CST4: variants seen among roughly 807,000 people sequenced by gnomAD.
The protein encoded by CST4 is cystatin S, also known as cystatin-S.
Under a neutral mutation model 11.2 loss-of-function variants are expected in CST4, and 17 were observed. That is an observed-to-expected ratio of 1.52 (90% confidence interval 1.04 to 2.27). CST4 has a LOEUF of 2.27. CST4 is among the 30% of genes most tolerant of loss of function. The probability of loss-of-function intolerance (pLI) is 0.00; values close to 1 mark genes in which losing one functional copy is unlikely to be tolerated. For missense variants in CST4, 251 were observed against 180.2 expected (o/e 1.39, Z -2.25); for synonymous variants, 93 against 70.1 (o/e 1.33, Z -1.63).
At chr20:23,687,668 C>G (rs1165094207) in intron 1 of CST4, among the ~76,000 whole-genome samples, 1 of 152,230 alleles carries the variant, frequency 6.6e-6, no homozygotes, top group Non-Finnish European at 1.5e-5. Context: ...AAGTCAGCAG[C>G]ACACCTGAGT....
chr20:23,687,741 G>A (rs1410753433), intron 1 of CST4, among the ~76,000 whole-genome samples: 12 of 152,192 alleles, frequency 7.9e-5, no homozygotes, highest in Admixed American at 6.5e-4. Context: ...CAGACACTAC[G>A]TGGCAGAGCT....
At chr20:23,686,020 T>G in intron 2 of CST4, 43 bp from the exon 3 acceptor site, 1 of 1,597,124 alleles carries the variant, frequency 6.3e-7, no homozygotes, top group Non-Finnish European at 8.6e-7. Flanking sequence ...TGGGTTACAG[T>G]TAAAGGGGAA....
intron 1 of CST4, among the ~76,000 whole-genome samples, chr20:23,687,657 C>G (rs73902125): frequency 1.3e-5 from 2 of 152,190 alleles, no homozygotes; most frequent in African/African-American, 4.8e-5. Flanking sequence ...ATACGTTTCT[C>G]AAGTCAGCAG....
chr20:23,687,072 C>A lies in CST4; in HGVS notation c.342+16G>T, dbSNP rs532529691. On this transcript the variant is annotated intron_variant, in intron 2 of 2. Transcript: ENST00000217423. ...TGCAGTGCATGACTGGCCCGGGACCCGCATCAGGAACGTACCTTCTGCAGT... is the reference window on the plus strand; with the variant it reads ...TGCAGTGCATGACTGGCCCGGGACCAGCATCAGGAACGTACCTTCTGCAGT... 6.2e-7 allele frequency: 1 copy of A among 1,613,296 alleles called. No individual in the cohort carries two copies. Among genetic ancestry groups the A allele is most frequent in the Non-Finnish European group, 8.5e-7 (1 of 1,179,346 alleles).
chr20:23,685,792 T>G lies in CST4; in HGVS notation c.*102A>C, dbSNP rs893077374. The G allele has an allele frequency of 1.5e-5, 18 of 1,212,714 alleles. No homozygotes were observed. The highest frequency in any genetic ancestry group is 5.2e-5 in the South Asian group (4 of 76,486). 75.1% of individuals were successfully genotyped at this position (1,212,714 alleles called of 1,614,324 possible). A position where few individuals can be genotyped will look rare whatever the true frequency, so the allele number is the denominator to read the frequency against. On this transcript the variant is annotated 3_prime_UTR_variant, in exon 3 of 3. Transcript: ENST00000217423. The stretch of plus-strand genomic sequence containing the variant: ...CTGTCTGTCTCTTGGCACAGGCACA[T>G]GGGGAGGCCTCCCGCAGGGTGGGGG...
In CST4 at chr20:23,688,857, T is replaced by A. The variant is rs1981134015; in HGVS notation, c.113A>T (p.Asp38Val). 1 of 1,614,068 alleles carries A rather than the reference T, an allele frequency of 6.2e-7. No homozygotes were observed. Among genetic ancestry groups the A allele is most frequent in the African/African-American group, 1.3e-5 (1 of 74,926 alleles). The change falls in exon 1 of 3, where the codon GAC becomes GTC. Residue 38 changes from aspartate to valine, a missense_variant. By Grantham distance (152) the Asp-to-Val change is radical. Coordinates refer to ENST00000217423, the MANE Select transcript of CST4 (RefSeq NM_001899.3). ...RIIPGGIYDADLNDEWVQRAL... is the reference protein window; with the variant it reads ...RIIPGGIYDAVLNDEWVQRAL... The stretch of plus-strand genomic sequence containing the variant: ...ACGCTGTACCCACTCATCATTGAGG[T>A]CTGCATCATAGATGCCACCTGGGAT...
At chr20:23,688,688 C>T (rs2122562029) in intron 1 of CST4, 54 bp downstream of exon 1, 1 of 1,545,986 alleles carries the variant, frequency 6.5e-7, no homozygotes, top group Non-Finnish European at 8.9e-7. Context: ...TCTTGGGGGT[C>T]CGGCAACAAA....
Position 23,685,793 on chromosome 20 carries a change from G to C in CST4, c.*101C>G, listed in dbSNP as rs1981017724. On this transcript the variant is annotated 3_prime_UTR_variant, in exon 3 of 3. Coordinates refer to ENST00000217423, the MANE Select transcript of CST4 (RefSeq NM_001899.3). ...TGTCTGTCTCTTGGCACAGGCACAT[G>C]GGGAGGCCTCCCGCAGGGTGGGGGC... 3 of 1,216,826 alleles carry C rather than the reference G, an allele frequency of 2.5e-6. No homozygotes were observed. The highest frequency in any genetic ancestry group is 1.5e-5 in the African/African-American group (1 of 65,530). The allele number at this position is 1,216,826 out of a possible 1,614,324, so 75.4% of individuals were successfully genotyped here. A position where few individuals can be genotyped will look rare whatever the true frequency, so the allele number is the denominator to read the frequency against.
chr20:23,687,237 C>G (rs113944027), intron 1 of CST4, 36 bp from the exon 2 acceptor site: 7 of 1,610,952 alleles, frequency 4.3e-6, no homozygotes, highest in African/African-American at 4.0e-5. Flanking sequence ...ACGGACAGCG[C>G]CCCCATCAGT....
intron 2 of CST4, among the ~76,000 whole-genome samples, 167 bp downstream of exon 2, chr20:23,686,921 T>G (rs111307588): frequency 6.6e-6 from 1 of 151,844 alleles, no homozygotes; most frequent in Non-Finnish European, 1.5e-5. Flanking sequence ...CACACCTACA[T>G]GCACACCCCC....
intron 2 of CST4, among the ~76,000 whole-genome samples, 167 bp downstream of exon 2, chr20:23,686,921 T>C (rs111307588): frequency 1.6e-4 from 24 of 151,960 alleles, no homozygotes; most frequent in Middle Eastern, 3.4e-3. Flanking sequence ...CACACCTACA[T>C]GCACACCCCC....
intron 2 of CST4, among the ~76,000 whole-genome samples, chr20:23,686,354 G>A (rs1195247346): frequency 2.6e-5 from 4 of 152,114 alleles, no homozygotes; most frequent in African/African-American, 9.7e-5. Flanking sequence ...CCAGAGGGAA[G>A]AACCCAGGGC....
chr20:23,686,988 C>T (rs1981065183), intron 2 of CST4, 100 bp downstream of exon 2: 2 of 1,449,360 alleles, frequency 1.4e-6, no homozygotes, highest in South Asian at 2.3e-5. Flanking sequence ...ACATACCCAC[C>T]TGCACACACA....
In CST4 at chr20:23,688,700, C is replaced by T. The variant is rs374253839; in HGVS notation, c.228+42G>A. ...TGCTCTTGGGGGTCCGGCAACAAACCAGGCTAGGGCTCAGGACCCCTCGGG... is the reference window on the plus strand; with the variant it reads ...TGCTCTTGGGGGTCCGGCAACAAACTAGGCTAGGGCTCAGGACCCCTCGGG... On this transcript the variant is annotated intron_variant, in intron 1 of 2. Transcript: ENST00000217423. The T allele has an allele frequency of 6.3e-6, 10 of 1,597,222 alleles. No individual in the cohort carries two copies. The Admixed American group carries it at 6.7e-5, about 11-fold the overall frequency.
rs1362693515 is a variant in CST4, at chr20:23,687,131, T to C, written c.299A>G (p.Asn100Ser). ...TTCATGGAAGGCACAGGTGTCCAAG[T>C]TGGGCTGGGACTTGGTACATATGGT... ...GRTICTKSQP[N>S]LDTCAFHEQP... The change falls in exon 2 of 3, where the codon AAC (asparagine) becomes AGC (serine). Residue 100 changes from asparagine to serine, a missense_variant. Asn to Ser is a conservative substitution (Grantham distance 46, BLOSUM62 1). Transcript: ENST00000217423. The C allele has an allele frequency of 6.2e-7, 1 of 1,614,006 alleles. No homozygotes were observed. Among genetic ancestry groups the C allele is most frequent in the African/African-American group, 1.3e-5 (1 of 74,878 alleles).
intron 1 of CST4, 83 bp downstream of exon 1, chr20:23,688,659 G>A: frequency 1.6e-6 from 2 of 1,280,048 alleles, no homozygotes; most frequent in Non-Finnish European, 2.3e-6. Context: ...ATGTGTCAGT[G>A]TTGATTTGCT....
chr20:23,688,307 AG>A (rs1343914123), intron 1 of CST4, among the ~76,000 whole-genome samples: 1 of 152,224 alleles, frequency 6.6e-6, no homozygotes, highest in Non-Finnish European at 1.5e-5. Flanking sequence ...GCTGTGCCCA[AG>A]GGCATGACTT....
chr20:23,686,255 C>G (rs1473013414), intron 2 of CST4, among the ~76,000 whole-genome samples: 1 of 152,116 alleles, frequency 6.6e-6, no homozygotes, highest in African/African-American at 2.4e-5. Context: ...GGCAAGGCCT[C>G]GGGAGCCCCA....
Position 23,688,860 on chromosome 20 carries a change from G to T in CST4, c.110C>A (p.Ala37Glu). ...NRIIPGGIYD[A>E]DLNDEWVQRA... Reference sequence around the variant, plus strand: ...CTGTACCCACTCATCATTGAGGTCTGCATCATAGATGCCACCTGGGATTAT... The same window carrying T: ...CTGTACCCACTCATCATTGAGGTCTTCATCATAGATGCCACCTGGGATTAT... Residue 37 changes from alanine (A) to glutamate (E), a missense_variant, in exon 1 of 3, where the codon GCA becomes GAA. Physicochemically the swap from Ala to Glu is moderately radical, Grantham distance 107. Transcript: ENST00000217423. 1 of 1,614,186 alleles carries T rather than the reference G, an allele frequency of 6.2e-7. No homozygotes were observed. The highest frequency in any genetic ancestry group is 8.5e-7 in the Non-Finnish European group (1 of 1,180,024).
Sources: allele counts gnomAD v4.1 joint callset (sites outside exome capture counted in the v4.1 genomes callset), GRCh38; gene constraint gnomAD v4.1.1; transcripts MANE v1.5; gene names NCBI Gene and HGNC (gene_info 2026-07-23, HGNC 2026-07-21).